Variants in NDUFS7 observed in about 807,000 individuals in gnomAD.
The protein encoded by NDUFS7 is NADH:ubiquinone oxidoreductase core subunit S7.
Under a neutral mutation model 31.1 loss-of-function variants are expected in NDUFS7, and 11 were observed. The observed-to-expected ratio is 0.35, with a 90% CI of 0.22 to 0.59. The LOEUF (loss-of-function observed/expected upper bound fraction) is 0.59, where lower values mean the gene tolerates loss of function less well. Ranked by LOEUF, NDUFS7 falls within the 20% of genes least tolerant of loss-of-function variation. The pLI, the probability that NDUFS7 is intolerant of heterozygous loss-of-function variation, is 0.79. For missense variants in NDUFS7, 263 were observed against 324.2 expected, an observed-to-expected ratio of 0.81 and a Z score of 1.45; for synonymous variants, 136 against 127.9, an observed-to-expected ratio of 1.06 and a Z score of -0.43.
At chr19:1,392,989 G>A (rs1209232775) in intron 6 of NDUFS7, 5 of 577,572 alleles carry the variant, frequency 8.7e-6, no homozygotes, top group East Asian at 2.9e-5. Context: ...CCCGGGAATC[G>A]GTGGTCAGGA....
At chr19:1,388,296 A>G in intron 2 of NDUFS7, 2 of 611,054 alleles carry the variant, frequency 3.3e-6, no homozygotes, top group South Asian at 1.9e-5. Flanking sequence ...GACACTGTTG[A>G]CCTGCTGGGT....
chr19:1,394,688 C>T (rs1252589924), intron 7 of NDUFS7: 1 of 1,210,468 alleles, frequency 8.3e-7, no homozygotes, highest in African/African-American at 1.9e-5. Flanking sequence ...TGTGCTGCTC[C>T]CTCCCTGCGG....
intron 6 of NDUFS7, among the ~76,000 whole-genome samples, chr19:1,391,613 A>G (rs59341076): frequency 0.054 from 8,156 of 150,138 alleles, 728 homozygotes; most frequent in African/African-American, 0.19. Flanking sequence ...CAGCCTCCCA[A>G]GTAGCTGGGA....
Position 1,387,825 on chromosome 19 carries a change from G to T in NDUFS7, c.31G>T (p.Gly11Cys). MAVLSAPGLR[G>C]FRILGLRSSV... ...CCTCTCTGCAGCTCCTGGCCTGCGC[G>T]GCTTCCGGATCCTTGGTCTGCGGTG... Residue 11 changes from glycine (G) to cysteine (C), a missense_variant, in exon 2 of 8, where the codon GGC becomes TGC. Physicochemically the swap from Gly to Cys is radical, Grantham distance 159. Transcript: ENST00000233627. 1 of 1,611,032 alleles carries T rather than the reference G, an allele frequency of 6.2e-7. No homozygotes were observed. The highest frequency in any genetic ancestry group is 1.7e-5 in the Admixed American group (1 of 59,852).
rs572570145 is a variant in NDUFS7, at chr19:1,387,927, T to C, written c.53+80T>C. The stretch of plus-strand genomic sequence containing the variant: ...CGAACGGGGCGGGGGGGGTGGGGGG[T>C]GGGGGGAGCGCCTTGTTGAAGGTCA... On this transcript the variant is annotated intron_variant, in intron 2 of 7. Transcript: ENST00000233627. The C allele has an allele frequency of 1.9e-4, 22 of 117,908 alleles. 1 individual carries two copies. Among genetic ancestry groups the C allele is most frequent in the Admixed American group, 6.3e-4 (4 of 6,366 alleles). The allele number at this position is 117,908 out of a possible 1,614,324, so 7.3% of individuals were successfully genotyped here. A position where few individuals can be genotyped will look rare whatever the true frequency, so the allele number is the denominator to read the frequency against.
At position 1,393,775 on chromosome 19, in the gene NDUFS7, A is replaced by C; in HGVS notation, c.544+445A>C. On this transcript the variant is annotated intron_variant, in intron 7 of 7. Transcript: ENST00000233627. This position sits in a 1 kb window ranked among gnomAD's most constrained non-coding sequence, Gnocchi z 7.3. ...ACGTGGGAGGCTTAGTTTGACTGTG[A>C]GGTTAGGGTGAATTTGACCATCAGG... 1 of 451,804 alleles carries C rather than the reference A, an allele frequency of 2.2e-6. No individual in the cohort carries two copies. The highest frequency in any genetic ancestry group is 4.0e-6 in the Non-Finnish European group (1 of 247,306). 28.0% of individuals were successfully genotyped at this position (451,804 alleles called of 1,614,324 possible). A position where few individuals can be genotyped will look rare whatever the true frequency, so the allele number is the denominator to read the frequency against.
chr19:1,390,616 T>C (rs2082548191), intron 4 of NDUFS7: 1 of 584,996 alleles, frequency 1.7e-6, no homozygotes, highest in East Asian at 2.8e-5. Flanking sequence ...TAGGATACAC[T>C]GGGTTCGAGG....
intron 4 of NDUFS7, chr19:1,389,780 C>G (rs1252875122): frequency 9.0e-6 from 3 of 333,704 alleles, no homozygotes; most frequent in Admixed American, 4.2e-5. Flanking sequence ...CATTGATGGA[C>G]GTTCACTGTT....
intron 1 of NDUFS7, chr19:1,384,182 C>G: frequency 7.7e-6 from 4 of 519,860 alleles, no homozygotes; most frequent in African/African-American, 2.0e-5. Context: ...AGCCTCCAGC[C>G]TCAGGAAGGC....
chr19:1,395,002 T>C (rs753106931), intron 7 of NDUFS7: 6 of 1,140,082 alleles, frequency 5.3e-6, no homozygotes, highest in Non-Finnish European at 6.5e-6. Flanking sequence ...CCAGCCTCCC[T>C]GCCTCCATCT....
intron 1 of NDUFS7, chr19:1,387,146 T>TCACAA: frequency 6.6e-6 from 1 of 152,048 alleles, no homozygotes; most frequent in South Asian, 2.1e-4. Flanking sequence ...CCTCCCCGCT[T>TCACAA]AGCGGACTGC....
In NDUFS7 at chr19:1,391,134, C is replaced by A. The variant is rs762692052; in HGVS notation, c.424C>A (p.Pro142Thr). 4 of 1,612,684 alleles carry A rather than the reference C, an allele frequency of 2.5e-6. No homozygotes were observed. The highest frequency in any genetic ancestry group is 3.3e-5 in the Admixed American group (2 of 59,926). Residue 142 changes from proline (P) to threonine (T), a missense_variant, in exon 6 of 8, where the codon CCG (proline) becomes ACG (threonine). Coordinates refer to ENST00000233627, the MANE Select transcript of NDUFS7 (RefSeq NM_024407.5). ...PALRKVYDQMPEPRYVVSMGS... is the reference protein window; with the variant it reads ...PALRKVYDQMTEPRYVVSMGS... The stretch of plus-strand genomic sequence containing the variant: ...TCTCTTCCAGGTCTACGACCAGATG[C>A]CGGAGCCGCGCTACGTGGTCTCCAT...
intron 6 of NDUFS7, among the ~76,000 whole-genome samples, chr19:1,391,432 G>A: frequency 6.6e-6 from 1 of 151,608 alleles, no homozygotes; most frequent in East Asian, 1.9e-4. Context: ...GTGATGACAG[G>A]TGCTGTAGAT....
At chr19:1,388,345 T>A (rs117393017) in intron 2 of NDUFS7, 180 bp from the exon 3 acceptor site, 1 of 648,452 alleles carries the variant, frequency 1.5e-6, no homozygotes, top group Admixed American at 2.3e-5. Flanking sequence ...TGGGCCATCA[T>A]TGGGGGTCGG....
intron 2 of NDUFS7, 32 bp from the exon 3 acceptor site, chr19:1,388,493 C>T: frequency 1.2e-6 from 2 of 1,604,164 alleles, no homozygotes; most frequent in Non-Finnish European, 1.7e-6. Flanking sequence ...GGGCCTGGGA[C>T]AGCCACTGAC....
intron 1 of NDUFS7, among the ~76,000 whole-genome samples, chr19:1,384,403 C>T (rs2082494411): frequency 1.3e-5 from 2 of 152,238 alleles, no homozygotes; most frequent in Admixed American, 6.5e-5. Flanking sequence ...CCTCCACCTC[C>T]CTCCCCACCC....
rs1056932746 is a variant in NDUFS7, at chr19:1,394,511, T to C, written c.545-880T>C. On this transcript the variant is annotated intron_variant, in intron 7 of 7. Coordinates refer to ENST00000233627, the MANE Select transcript of NDUFS7 (RefSeq NM_024407.5). ...TGCGCTCCTCCCTCCTTGGGGACCG[T>C]GCTCCTCCCTCCCTCCCTGCGGACC... 1,093 of 1,223,596 alleles carry C rather than the reference T, an allele frequency of 8.9e-4. 1 individual carries two copies. The highest frequency in any genetic ancestry group is 1.0e-3 in the Non-Finnish European group (997 of 967,758). 75.8% of individuals were successfully genotyped at this position (1,223,596 alleles called of 1,614,324 possible). A position where few individuals can be genotyped will look rare whatever the true frequency, so the allele number is the denominator to read the frequency against.
chr19:1,389,764 A>G (rs917489567), intron 4 of NDUFS7: 5 of 338,080 alleles, frequency 1.5e-5, no homozygotes, highest in South Asian at 4.6e-5. Flanking sequence ...GGGTTCAACA[A>G]TCCCCCATTG....
intron 3 of NDUFS7, 33 bp from the exon 4 acceptor site, chr19:1,388,800 G>A: frequency 1.3e-6 from 2 of 1,561,372 alleles, no homozygotes; most frequent in Non-Finnish European, 1.7e-6. Flanking sequence ...CTGCGTGGCT[G>A]ACGCCTCCTG....
Sources: allele counts gnomAD v4.1 joint callset (sites outside exome capture counted in the v4.1 genomes callset), GRCh38; gene constraint gnomAD v4.1.1; non-coding constraint Gnocchi (gnomAD v3.1); transcripts MANE v1.5; gene names NCBI Gene and HGNC (gene_info 2026-07-23, HGNC 2026-07-21).